Variants in NRXN3 observed in about 807,000 individuals in gnomAD.
NRXN3 encodes neurexin III.
Under a neutral mutation model 137.6 loss-of-function variants are expected in NRXN3, and 32 were observed. The ratio of observed to expected loss-of-function variants is 0.23; its 90% confidence interval spans 0.18 to 0.31. The LOEUF (loss-of-function observed/expected upper bound fraction) is 0.31, where lower values mean the gene tolerates loss of function less well. Ranked by LOEUF, NRXN3 falls within the 10% of genes least tolerant of loss-of-function variation. The pLI, the probability that NRXN3 is intolerant of heterozygous loss-of-function variation, is 1.00. For missense variants in NRXN3, 1,574 were observed against 2,062.5 expected, an observed-to-expected ratio of 0.76 and a Z score of 4.59; for synonymous variants, 798 against 784.5, an observed-to-expected ratio of 1.02 and a Z score of -0.29.
rs922692843 is a variant in NRXN3 at position 79,867,511 on chromosome 14, A to G, written c.*5547A>G. 4 of 152,122 alleles carry G rather than the reference A, an allele frequency of 2.6e-5. No individual in the cohort carries two copies. The highest frequency in any genetic ancestry group is 9.7e-5 in the African/African-American group (4 of 41,418). The allele number at this position is 152,122 out of a possible 1,614,324, so 9.4% of individuals were successfully genotyped here. A position where few individuals can be genotyped will look rare whatever the true frequency, so the allele number is the denominator to read the frequency against. On this transcript the variant is annotated 3_prime_UTR_variant, in exon 21 of 21. Transcript: ENST00000335750. ...GAGATTTCTTTTTCTTGCTCTTCTT[A>G]TAAGACCACCAGTGCTATTGGTTAA...
intron 16 of NRXN3, among the ~76,000 whole-genome samples, chr14:79,553,514 A>C (rs538266927): frequency 6.6e-6 from 1 of 152,200 alleles, no homozygotes; most frequent in East Asian, 1.9e-4. Context: ...ACCCAATGCC[A>C]CCTAACTCCC....
intron 10 of NRXN3, among the ~76,000 whole-genome samples, chr14:78,829,309 T>G (rs2098975455): frequency 6.6e-6 from 1 of 152,174 alleles, no homozygotes; most frequent in Admixed American, 6.5e-5. Flanking sequence ...TGTTTATAAA[T>G]TCCAACTCAC....
chr14:78,872,069 C>T (rs951500388), intron 10 of NRXN3, among the ~76,000 whole-genome samples: 8 of 151,840 alleles, frequency 5.3e-5, no homozygotes, highest in African/African-American at 1.9e-4. Context: ...TTAGTTGTTT[C>T]TTCTGATTTT....
intron 15 of NRXN3, among the ~76,000 whole-genome samples, chr14:79,369,559 G>A (rs1413425479): frequency 6.6e-6 from 1 of 152,188 alleles, no homozygotes; most frequent in Non-Finnish European, 1.5e-5. Context: ...AATTTTGATT[G>A]TACAAGTTTT....
At chr14:78,678,359 C>T (rs2098033160) in intron 6 of NRXN3, among the ~76,000 whole-genome samples, 1 of 149,732 alleles carries the variant, frequency 6.7e-6, no homozygotes, top group Non-Finnish European at 1.5e-5. Flanking sequence ...CACTGTGTTG[C>T]CCAGGCTAGT....
At chr14:78,609,082 G>A (rs1019728411) in intron 4 of NRXN3, among the ~76,000 whole-genome samples, 1 of 152,132 alleles carries the variant, frequency 6.6e-6, no homozygotes, top group Non-Finnish European at 1.5e-5. Flanking sequence ...GCCAGGTCAC[G>A]AAGTAAATAA....
intron 20 of NRXN3, among the ~76,000 whole-genome samples, chr14:79,812,513 GA>G (rs36064892): frequency 0.32 from 47,936 of 150,202 alleles, 7,786 homozygotes; most frequent in East Asian, 0.45. Context: ...GGATATGCAA[GA>G]AAAAAAAAAT....
At chr14:79,825,084 C>A (rs1482612547) in intron 20 of NRXN3, among the ~76,000 whole-genome samples, 2 of 151,910 alleles carry the variant, frequency 1.3e-5, no homozygotes, top group Admixed American at 6.6e-5. Context: ...TTGGAGTCAA[C>A]CTTATCCCTT....
At chr14:78,471,401 G>A (rs1266169818) in intron 4 of NRXN3, among the ~76,000 whole-genome samples, 1 of 151,900 alleles carries the variant, frequency 6.6e-6, no homozygotes, top group Non-Finnish European at 1.5e-5. Context: ...ATGACCGTCA[G>A]CATGATTAGG....
intron 6 of NRXN3, among the ~76,000 whole-genome samples, chr14:78,679,181 G>T (rs1462395764): frequency 3.3e-5 from 5 of 152,126 alleles, no homozygotes; most frequent in Non-Finnish European, 2.9e-5. Flanking sequence ...CCCACTGTAG[G>T]CTTCCCTCTT....
intron 10 of NRXN3, among the ~76,000 whole-genome samples, chr14:78,885,061 G>A (rs1040129146): frequency 2.6e-5 from 4 of 151,334 alleles, no homozygotes; most frequent in Non-Finnish European, 5.9e-5. Flanking sequence ...TATTTATAAA[G>A]TAGGGATTGT....
At chr14:79,021,091 T>C (rs2099588911) in intron 15 of NRXN3, among the ~76,000 whole-genome samples, 2 of 152,204 alleles carry the variant, frequency 1.3e-5, no homozygotes, top group Admixed American at 1.3e-4. Context: ...GTTACTTTTA[T>C]AGACATATGC....
chr14:78,542,235 A>G (rs2096597045), intron 4 of NRXN3, among the ~76,000 whole-genome samples: 1 of 152,230 alleles, frequency 6.6e-6, no homozygotes, highest in African/African-American at 2.4e-5. Flanking sequence ...TTAAGTCTGC[A>G]CAAGTTGTCT....
intron 4 of NRXN3, among the ~76,000 whole-genome samples, chr14:78,471,527 A>G (rs954412645): frequency 6.6e-6 from 1 of 152,118 alleles, no homozygotes; most frequent in East Asian, 1.9e-4. Context: ...CCTCTCCTTC[A>G]TTTACTTACT....
intron 19 of NRXN3, among the ~76,000 whole-genome samples, chr14:79,765,735 G>A (rs983338320): frequency 1.3e-5 from 2 of 152,270 alleles, no homozygotes; most frequent in Non-Finnish European, 2.9e-5. Flanking sequence ...TATGAAATAT[G>A]AGAGCCCCGT....
intron 1 of NRXN3, among the ~76,000 whole-genome samples, chr14:78,174,796 G>C (rs1242182238): frequency 1.3e-5 from 2 of 152,212 alleles, no homozygotes; most frequent in African/African-American, 4.8e-5. Flanking sequence ...CCTCCAGCAG[G>C]AAGCCTCAAA....
intron 1 of NRXN3, among the ~76,000 whole-genome samples, chr14:78,213,955 G>T (rs1293859864): frequency 1.3e-5 from 2 of 152,336 alleles, no homozygotes; most frequent in South Asian, 2.1e-4. Context: ...ATCTGAGTTT[G>T]CTGGCAGCAG....
intron 4 of NRXN3, among the ~76,000 whole-genome samples, chr14:78,388,744 T>TA (rs1567445739): frequency 6.6e-6 from 1 of 152,050 alleles, no homozygotes; most frequent in African/African-American, 2.4e-5. Context: ...ACAAAGGAAG[T>TA]AAAAAAGGAT....
At chr14:79,593,402 G>A (rs372827984) in intron 16 of NRXN3, among the ~76,000 whole-genome samples, 10 of 152,166 alleles carry the variant, frequency 6.6e-5, no homozygotes, top group East Asian at 5.8e-4. Context: ...AGGCCGAGGC[G>A]TGCGGATCAC....
Sources: gnomAD v4.1 joint callset for allele counts (sites outside exome capture counted in the v4.1 genomes callset) on GRCh38, gnomAD v4.1.1 for gene constraint, MANE v1.5 for transcripts, NCBI Gene and HGNC (gene_info 2026-07-23, HGNC 2026-07-21) for gene names.